NMBR: variants seen among roughly 807,000 people sequenced by gnomAD.
The protein encoded by NMBR is neuromedin B receptor.
Under a neutral mutation model 20.5 loss-of-function variants are expected in NMBR, and 16 were observed. The observed-to-expected ratio is 0.78, with a 90% CI of 0.53 to 1.19. The LOEUF (loss-of-function observed/expected upper bound fraction) is 1.19. NMBR is among the 50% of genes most tolerant of loss of function. The pLI is 0.00. For missense variants in NMBR, 582 were observed against 499.1 expected (o/e 1.17, Z -1.58); for synonymous variants, 212 against 196.6 (o/e 1.08, Z -0.65).
chr6:142,081,230 C>T (rs1777087864), intron 2 of NMBR, among the ~76,000 whole-genome samples: 1 of 152,110 alleles, frequency 6.6e-6, no homozygotes, highest in Non-Finnish European at 1.5e-5. Context: ...CCCAAAGGCC[C>T]ACCTCTTAAT....
rs1325034028 is a variant in NMBR, at chr6:142,096,772, T to C, written c.-663-7451A>G. ...GATCTGTCTAATGTTGACAGTGGGG[T>C]GTTAAAGTCTCCCATTATTATTGTG... On this transcript the variant is annotated intron_variant, in intron 1 of 3. Coordinates refer to ENST00000258042, the MANE Select transcript of NMBR (RefSeq NM_002511.4). 1.3e-5 allele frequency among the ~76,000 whole-genome samples: 2 copies of C among 152,004 alleles called. 1 individual carries two copies. Among genetic ancestry groups the C allele is most frequent in the Non-Finnish European group, 2.9e-5 (2 of 68,022 alleles).
intron 2 of NMBR, among the ~76,000 whole-genome samples, chr6:142,079,459 C>T (rs996714143): frequency 2.0e-5 from 3 of 152,108 alleles, no homozygotes; most frequent in Non-Finnish European, 4.4e-5. Context: ...AAATCCTGGA[C>T]ATTAGTTTAC....
intron 1 of NMBR, among the ~76,000 whole-genome samples, 109 bp downstream of exon 1, chr6:142,146,935 T>G (rs1778448391): frequency 6.6e-6 from 1 of 152,252 alleles, no homozygotes; most frequent in African/African-American, 2.4e-5. Context: ...TTATACTTTC[T>G]CCCAGTCAAC....
chr6:142,115,076 C>T (rs117491708), intron 1 of NMBR, among the ~76,000 whole-genome samples: 232 of 152,194 alleles, frequency 1.5e-3, no homozygotes, highest in Non-Finnish European at 2.5e-3. Flanking sequence ...TGTTTGCTCA[C>T]GAAGCTGTGT....
chr6:142,099,948 A>G (rs1168092087), intron 1 of NMBR, among the ~76,000 whole-genome samples: 2 of 152,208 alleles, frequency 1.3e-5, no homozygotes, highest in African/African-American at 4.8e-5. Context: ...ACAAGTGTAA[A>G]TAAGCATATA....
At chr6:142,083,618 T>G (rs1461178344) in intron 2 of NMBR, among the ~76,000 whole-genome samples, 1 of 152,130 alleles carries the variant, frequency 6.6e-6, no homozygotes, top group African/African-American at 2.4e-5. Flanking sequence ...CCCCTTCCTG[T>G]TCTCATGGTA....
rs1348070522 is a variant in NMBR, at chr6:142,074,723, T to C, written c.*925A>G. Among the ~76,000 whole-genome samples the C allele has an allele frequency of 6.6e-6, 1 of 152,132 alleles. No homozygotes were observed. The highest frequency in any genetic ancestry group is 1.9e-4 in the East Asian group (1 of 5,190). On this transcript the variant is annotated 3_prime_UTR_variant, in exon 4 of 4. Coordinates refer to ENST00000258042, the MANE Select transcript of NMBR (RefSeq NM_002511.4). ...CTGGAATTACACAAATCTTATCACA[T>C]CTATACACAATCATCCAAATATTCG...
intron 2 of NMBR, among the ~76,000 whole-genome samples, chr6:142,081,321 T>G (rs1777091061): frequency 6.6e-6 from 1 of 152,160 alleles, no homozygotes; most frequent in Non-Finnish European, 1.5e-5. Context: ...ATTATAACTA[T>G]AAAAGATATA....
chr6:142,127,896 C>A (rs1778066126), intron 1 of NMBR, among the ~76,000 whole-genome samples: 1 of 151,962 alleles, frequency 6.6e-6, no homozygotes, highest in African/African-American at 2.4e-5. Context: ...TTGGTTGAGT[C>A]TTTAGTGTCT....
intron 1 of NMBR, among the ~76,000 whole-genome samples, chr6:142,141,018 CAAAGT>C (rs1778352488): frequency 2.0e-5 from 3 of 152,026 alleles, no homozygotes; most frequent in African/African-American, 4.8e-5. Context: ...AATAAACTGA[CAAAGT>C]AAATAGAATA....
rs117868646 is a variant in NMBR, at chr6:142,076,834, A to T, written c.772-785T>A. Among the ~76,000 whole-genome samples, 3 of 152,350 alleles carry T rather than the reference A, an allele frequency of 2.0e-5. No individual in the cohort carries two copies. The East Asian group carries it at 5.8e-4, about 29-fold the overall frequency. On this transcript the variant is annotated intron_variant, in intron 3 of 3. Transcript: ENST00000258042. ...AAACCAACATGGACATGGAATACCA[A>T]TTTATTGAAAGACATTGGTAGTAGG... is the stretch of plus-strand genomic sequence containing the variant.
At chr6:142,094,933 T>G (rs1322307328) in intron 1 of NMBR, among the ~76,000 whole-genome samples, 1 of 152,192 alleles carries the variant, frequency 6.6e-6, no homozygotes, top group Non-Finnish European at 1.5e-5. Context: ...GGGAATTCAC[T>G]CATGATTTGG....
At chr6:142,092,824 C>G (rs1399018832) in intron 1 of NMBR, among the ~76,000 whole-genome samples, 2 of 152,132 alleles carry the variant, frequency 1.3e-5, no homozygotes, top group Non-Finnish European at 1.5e-5. Flanking sequence ...TGGAGATTCA[C>G]AGAATTTCCC....
chr6:142,135,362 C>A (rs1422945682), intron 1 of NMBR, among the ~76,000 whole-genome samples: 2 of 151,932 alleles, frequency 1.3e-5, no homozygotes, highest in Non-Finnish European at 2.9e-5. Context: ...ATTTTGCATT[C>A]ATGTAAAATA....
chr6:142,119,677 T>G (rs1777911961), intron 1 of NMBR, among the ~76,000 whole-genome samples: 1 of 151,934 alleles, frequency 6.6e-6, no homozygotes. Flanking sequence ...CCCTATGAGG[T>G]GTTATTATTT....
chr6:142,126,791 T>C (rs1778047560), intron 1 of NMBR, among the ~76,000 whole-genome samples: 1 of 130,484 alleles, frequency 7.7e-6, no homozygotes, highest in African/African-American at 2.9e-5. Context: ...TGCTGTTGAG[T>C]TGTATGAGTT....
Position 142,079,086 on chromosome 6 carries a change from A to AAGAGAGAAAGAGAG in NMBR, c.423-197_423-184dup, listed in dbSNP as rs1201120666. Among the ~76,000 whole-genome samples the AAGAGAGAAAGAGAG allele has an allele frequency of 7.2e-3, 807 of 112,482 alleles. 41 individuals carry two copies. Among genetic ancestry groups the AAGAGAGAAAGAGAG allele is most frequent in the Middle Eastern group, 0.022 (6 of 268 alleles). 73.8% of individuals were successfully genotyped at this position (112,482 alleles called of 152,430 possible). A position where few individuals can be genotyped will look rare whatever the true frequency, so the allele number is the denominator to read the frequency against. On this transcript the variant is annotated intron_variant, in intron 2 of 3. Transcript: ENST00000258042. ...AGAGAGAGAAAGAGAGAAAGAAAGA[A>AAGAGAGAAAGAGAG]AGAGAGAAAGAGAGAGAGAGAAAGA...
chr6:142,084,474 T>C (rs1347533758), intron 2 of NMBR, among the ~76,000 whole-genome samples: 1 of 152,228 alleles, frequency 6.6e-6, no homozygotes, highest in Non-Finnish European at 1.5e-5. Flanking sequence ...TACATTAAAC[T>C]AATATTAGTT....
intron 1 of NMBR, among the ~76,000 whole-genome samples, chr6:142,102,875 A>G (rs1419759044): frequency 6.6e-6 from 1 of 152,226 alleles, no homozygotes; most frequent in East Asian, 1.9e-4. Context: ...TTTCAATTCT[A>G]TTGTTCAAAG....
Sources: gnomAD v4.1 joint callset for allele counts (sites outside exome capture counted in the v4.1 genomes callset) on GRCh38, gnomAD v4.1.1 for gene constraint, MANE v1.5 for transcripts, NCBI Gene and HGNC (gene_info 2026-07-23, HGNC 2026-07-21) for gene names.